ZDHHC15: variants seen among roughly 807,000 people sequenced by gnomAD.
ZDHHC15 encodes zDHHC palmitoyltransferase 15.
Under a neutral mutation model 31.7 loss-of-function variants are expected in ZDHHC15, and 19 were observed. That is an observed-to-expected ratio of 0.60 (90% CI 0.42 to 0.88). ZDHHC15 has a LOEUF of 0.88. ZDHHC15 is among the 40% of genes least tolerant of loss of function. The probability of loss-of-function intolerance (pLI) is 0.00; values close to 1 mark genes in which losing one functional copy is unlikely to be tolerated. For synonymous variants in ZDHHC15, 103 were observed against 90.0 expected (o/e 1.14, Z -0.82); for missense variants, 209 against 251.2 (o/e 0.83, Z 1.14).
At chrX:75,521,264 G>T (rs980634692) in intron 1 of ZDHHC15, among the ~76,000 whole-genome samples, 1 of 110,798 alleles carries the variant, frequency 9.0e-6, no homozygotes, top group African/African-American at 3.3e-5. Context: ...TTACAGTGTC[G>T]AAGTGACAAG....
At chrX:75,491,047 C>T (rs865941692) in intron 2 of ZDHHC15, among the ~76,000 whole-genome samples, 24 of 111,642 alleles carry the variant, frequency 2.1e-4, no homozygotes, top group South Asian at 3.8e-4. Flanking sequence ...ACTAGTTCAA[C>T]CATTGTGGAA....
intron 9 of ZDHHC15, among the ~76,000 whole-genome samples, chrX:75,419,742 A>T: frequency 9.1e-6 from 1 of 109,637 alleles, no homozygotes; most frequent in Non-Finnish European, 1.9e-5. Flanking sequence ...AATGTGACAC[A>T]TATACACCAT....
intron 10 of ZDHHC15, among the ~76,000 whole-genome samples, chrX:75,386,134 T>A (rs2083176734): frequency 8.9e-6 from 1 of 111,938 alleles, no homozygotes; most frequent in Non-Finnish European, 1.9e-5. Context: ...GCAGTATTAA[T>A]GGGTGTCATA....
intron 8 of ZDHHC15, among the ~76,000 whole-genome samples, chrX:75,422,410 A>G (rs1201476189): frequency 8.9e-6 from 1 of 112,049 alleles, no homozygotes; most frequent in Non-Finnish European, 1.9e-5. Flanking sequence ...TGACACATAA[A>G]GAGATGGTAA....
intron 4 of ZDHHC15, among the ~76,000 whole-genome samples, chrX:75,438,655 T>C: frequency 8.9e-6 from 1 of 111,808 alleles, no homozygotes; most frequent in East Asian, 2.8e-4. Flanking sequence ...CCGTTTACAT[T>C]CAACATTAAT....
rs1021725148 is a variant in ZDHHC15 at position 75,479,275 on chromosome X, C to A, written c.164-290G>T. 2.7e-5 allele frequency among the ~76,000 whole-genome samples: 3 copies of A among 112,027 alleles called. No homozygotes were observed. In the Admixed American group the frequency reaches 2.8e-4, roughly 11 times the overall value. On this transcript the variant is annotated intron_variant, in intron 2 of 11. Transcript: ENST00000373367. ...AGGGAAAACTACTTCAGCCAATTGT[C>A]ATTATCTTTGCTACTTTGAGTACTG...
intron 11 of ZDHHC15, among the ~76,000 whole-genome samples, chrX:75,377,783 C>A (rs901276164): frequency 1.8e-5 from 2 of 111,125 alleles, no homozygotes; most frequent in Middle Eastern, 4.2e-3. Context: ...TTTTGGTGAG[C>A]CACAAAACTC....
intron 4 of ZDHHC15, among the ~76,000 whole-genome samples, chrX:75,434,999 T>C (rs903920734): frequency 8.9e-6 from 1 of 112,080 alleles, no homozygotes; most frequent in Non-Finnish European, 1.9e-5. Flanking sequence ...GTTTACGTTG[T>C]CTATGATTTC....
chrX:75,521,824 T>TGGCA (rs2085446249), intron 1 of ZDHHC15, among the ~76,000 whole-genome samples: 1 of 111,442 alleles, frequency 9.0e-6, no homozygotes, highest in African/African-American at 3.3e-5. Flanking sequence ...AGGAAGTGGA[T>TGGCA]GGCAGAATGT....
At chrX:75,398,994 C>A (rs1465161629) in intron 10 of ZDHHC15, among the ~76,000 whole-genome samples, 1 of 112,148 alleles carries the variant, frequency 8.9e-6, no homozygotes, top group African/African-American at 3.2e-5. Context: ...CTCCCTGGGA[C>A]AAAACTCCCT....
chrX:75,401,849 A>G (rs2083362149), intron 10 of ZDHHC15, among the ~76,000 whole-genome samples: 1 of 112,056 alleles, frequency 8.9e-6, no homozygotes, highest in Non-Finnish European at 1.9e-5. Flanking sequence ...AAAATTAACA[A>G]AAACATTCAG....
chrX:75,452,143 G>C (rs896358560), intron 3 of ZDHHC15, among the ~76,000 whole-genome samples: 1 of 106,983 alleles, frequency 9.3e-6, no homozygotes, highest in African/African-American at 3.4e-5. Context: ...CCCATCTCAC[G>C]TGCAGAGACA....
intron 10 of ZDHHC15, among the ~76,000 whole-genome samples, chrX:75,398,355 C>T (rs976742437): frequency 6.2e-5 from 7 of 112,623 alleles, no homozygotes; most frequent in African/African-American, 9.7e-5. Context: ...TTTAAGCCGG[C>T]GCCTGATCCT....
chrX:75,474,486 T>C, intron 3 of ZDHHC15, among the ~76,000 whole-genome samples: 2 of 45,457 alleles, frequency 4.4e-5, no homozygotes, highest in Non-Finnish European at 1.1e-4. Flanking sequence ...TATGTACTTT[T>C]ATTATACTTA....
chrX:75,507,343 A>G (rs975027464), intron 1 of ZDHHC15, among the ~76,000 whole-genome samples: 2 of 110,388 alleles, frequency 1.8e-5, no homozygotes, highest in Non-Finnish European at 3.8e-5. Flanking sequence ...TTGTGTAGGA[A>G]GTAAGTCCAA....
chrX:75,370,523 C>CTTTTGTTT lies in ZDHHC15; in HGVS notation c.*2454_*2455insAAACAAAA, dbSNP rs2082995556. ...CCTGGTAAAACCCTGATTTATTTGGCTTTTTTTTTTTTTTTTTTTTTTTTT... is the reference window on the plus strand; with the variant it reads ...CCTGGTAAAACCCTGATTTATTTGGCTTTTGTTTTTTTTTTTTTTTTTTTTTTTTTTTT... On this transcript the variant is annotated 3_prime_UTR_variant, in exon 12 of 12. Transcript: ENST00000373367. 1.2e-5 allele frequency: 1 copy of CTTTTGTTT among 81,287 alleles called. No homozygotes were observed. Among genetic ancestry groups the CTTTTGTTT allele is most frequent in the African/African-American group, 5.2e-5 (1 of 19,113 alleles). 6.7% of individuals were successfully genotyped at this position (81,287 alleles called of 1,213,427 possible).
intron 3 of ZDHHC15, among the ~76,000 whole-genome samples, chrX:75,457,686 C>G (rs1201393049): frequency 4.6e-5 from 5 of 108,002 alleles, no homozygotes; most frequent in East Asian, 3.0e-4. Context: ...CACACAGAGT[C>G]TCTGATACAC....
At chrX:75,462,250 T>C (rs934941076) in intron 3 of ZDHHC15, among the ~76,000 whole-genome samples, 1 of 112,220 alleles carries the variant, frequency 8.9e-6, no homozygotes, top group African/African-American at 3.2e-5. Context: ...ATGCACCAAA[T>C]TCAGGAGCAC....
chrX:75,494,450 A>G (rs953512629), intron 2 of ZDHHC15, among the ~76,000 whole-genome samples: 2 of 111,562 alleles, frequency 1.8e-5, no homozygotes, highest in African/African-American at 6.6e-5. Context: ...GTTCATATGA[A>G]AGAAAAAAGA....
Sources: gnomAD v4.1 joint callset for allele counts (sites outside exome capture counted in the v4.1 genomes callset) on GRCh38, gnomAD v4.1.1 for gene constraint, MANE v1.5 for transcripts, NCBI Gene and HGNC (gene_info 2026-07-23, HGNC 2026-07-21) for gene names.